Variants in MSRA observed in about 807,000 individuals in gnomAD.
MSRA encodes the protein mitochondrial peptide methionine sulfoxide reductase.
Under a neutral mutation model 31.3 loss-of-function variants are expected in MSRA, and 54 were observed. The observed-to-expected ratio is 1.73, with a 90% CI of 1.39 to 2.17. The LOEUF is 2.17. Ranked by LOEUF, MSRA falls within the 30% of genes most tolerant of loss-of-function variation. The probability of loss-of-function intolerance (pLI) is 0.00; values close to 1 mark genes in which losing one functional copy is unlikely to be tolerated. For synonymous variants in MSRA, 169 were observed against 116.5 expected, an observed-to-expected ratio of 1.45 and a Z score of -2.90; for missense variants, 507 against 300.9, an observed-to-expected ratio of 1.69 and a Z score of -5.07.
chr8:10,213,500 G>A (rs1294021427), intron 2 of MSRA, among the ~76,000 whole-genome samples: 1 of 137,260 alleles, frequency 7.3e-6, no homozygotes, highest in African/African-American at 2.8e-5. Flanking sequence ...GCAGTGACGC[G>A]ACCTCGGCTC....
chr8:10,092,408 C>G (rs1398475445), intron 1 of MSRA, among the ~76,000 whole-genome samples: 1 of 152,098 alleles, frequency 6.6e-6, no homozygotes, highest in Non-Finnish European at 1.5e-5. Flanking sequence ...CCTGTAATCC[C>G]AGCAGTTTGG....
chr8:10,268,313 C>T (rs778442565), intron 3 of MSRA, among the ~76,000 whole-genome samples: 2 of 152,184 alleles, frequency 1.3e-5, no homozygotes, highest in East Asian at 3.9e-4. Context: ...GCACTCCAGA[C>T]ATTTGGGTAG....
At chr8:10,200,966 G>A (rs1026767190) in intron 1 of MSRA, among the ~76,000 whole-genome samples, 1 of 152,152 alleles carries the variant, frequency 6.6e-6, no homozygotes, top group African/African-American at 2.4e-5. Context: ...GCAGAGATGG[G>A]AGTGGCTAGT....
chr8:10,058,344 AAGAGG>A (rs1802510958), intron 1 of MSRA, among the ~76,000 whole-genome samples: 1 of 152,202 alleles, frequency 6.6e-6, no homozygotes, highest in Non-Finnish European at 1.5e-5. Context: ...AAGTCCTGAG[AAGAGG>A]AGATCATAAA....
chr8:10,272,868 GTGAATGAATGAA>G (rs6150461), intron 3 of MSRA, among the ~76,000 whole-genome samples: 24,956 of 152,108 alleles, frequency 0.16, 2,518 homozygotes, highest in East Asian at 0.51. Context: ...TATCTCTTAA[GTGAATGAATGAA>G]TGGATGAATA....
chr8:10,424,948 A>C (rs1248153575), intron 5 of MSRA, among the ~76,000 whole-genome samples: 1 of 152,234 alleles, frequency 6.6e-6, no homozygotes, highest in African/African-American at 2.4e-5. Context: ...GCCCACTGAA[A>C]TCAAGACGTG....
At chr8:10,356,427 T>C (rs900958042) in intron 5 of MSRA, among the ~76,000 whole-genome samples, 5 of 152,196 alleles carry the variant, frequency 3.3e-5, no homozygotes, top group African/African-American at 1.2e-4. Context: ...CCCACCCCAG[T>C]TACAGCTTTA....
intron 1 of MSRA, among the ~76,000 whole-genome samples, chr8:10,106,369 C>A (rs1799882782): frequency 6.6e-6 from 1 of 152,176 alleles, no homozygotes. Flanking sequence ...TTCCTTCTTT[C>A]TCCACTTACT....
rs190127355 is a variant in MSRA, at chr8:10,073,225, C to T, written c.142+18567C>T. Reference sequence around the variant, plus strand: ...GAAAAGCATTCAGCCTTTCACTAAACTATCACATATGATGTCAGCTGTAGG... The same window carrying T: ...GAAAAGCATTCAGCCTTTCACTAAATTATCACATATGATGTCAGCTGTAGG... On this transcript the variant is annotated intron_variant, in intron 1 of 5. Coordinates refer to ENST00000317173, the MANE Select transcript of MSRA (RefSeq NM_012331.5). Among the ~76,000 whole-genome samples the T allele has an allele frequency of 1.7e-3, 260 of 152,324 alleles. 1 individual carries two copies. The highest frequency in any genetic ancestry group is 5.7e-3 in the African/African-American group (236 of 41,568).
chr8:10,231,436 A>G (rs75012785), intron 2 of MSRA, among the ~76,000 whole-genome samples: 5,154 of 152,264 alleles, frequency 0.034, 118 homozygotes, highest in East Asian at 0.073. Flanking sequence ...TGGTAGCTGT[A>G]TTGAATTTCA....
chr8:10,390,734 T>A (rs1806689471), intron 5 of MSRA, among the ~76,000 whole-genome samples: 2 of 152,114 alleles, frequency 1.3e-5, no homozygotes, highest in African/African-American at 4.8e-5. Flanking sequence ...GGATGGGCAC[T>A]GACTCCATTC....
chr8:10,071,881 A>G (rs1441319049), intron 1 of MSRA, among the ~76,000 whole-genome samples: 2 of 152,168 alleles, frequency 1.3e-5, no homozygotes, highest in Non-Finnish European at 2.9e-5. Flanking sequence ...GGAAAACACA[A>G]CACAGTCAGG....
intron 5 of MSRA, among the ~76,000 whole-genome samples, chr8:10,411,955 G>A (rs1309710822): frequency 6.6e-6 from 1 of 152,218 alleles, no homozygotes; most frequent in Non-Finnish European, 1.5e-5. Context: ...GTCGTCCACA[G>A]AGTGGTTTTA....
chr8:10,323,786 C>CTGTCTGCA (rs1299814633), intron 5 of MSRA, among the ~76,000 whole-genome samples: 1 of 87,968 alleles, frequency 1.1e-5, no homozygotes, highest in Admixed American at 1.4e-4. Flanking sequence ...CTGTGTCTGT[C>CTGTCTGCA]TGTCTGCATG....
chr8:10,110,000 C>A (rs904995568), intron 1 of MSRA, among the ~76,000 whole-genome samples: 1 of 152,070 alleles, frequency 6.6e-6, no homozygotes, highest in Non-Finnish European at 1.5e-5. Context: ...TAGGCTGTAT[C>A]ACCTCTTGTT....
At chr8:10,273,816 A>G (rs1799171432) in intron 3 of MSRA, among the ~76,000 whole-genome samples, 1 of 152,180 alleles carries the variant, frequency 6.6e-6, no homozygotes, top group African/African-American at 2.4e-5. Context: ...TACTTCAAGC[A>G]GAACCTGAGA....
chr8:10,187,832 A>G (rs1304578376), intron 1 of MSRA, among the ~76,000 whole-genome samples: 2 of 152,244 alleles, frequency 1.3e-5, no homozygotes, highest in Non-Finnish European at 2.9e-5. Flanking sequence ...GTTCTGTTGT[A>G]TAACAGAAAG....
At chr8:10,178,480 A>G (rs769799590) in intron 1 of MSRA, among the ~76,000 whole-genome samples, 1 of 152,194 alleles carries the variant, frequency 6.6e-6, no homozygotes, top group South Asian at 2.1e-4. Flanking sequence ...CAAGCAGGAA[A>G]GTAATTGAAA....
intron 2 of MSRA, among the ~76,000 whole-genome samples, chr8:10,223,116 A>C (rs1810674125): frequency 1.3e-5 from 2 of 152,384 alleles, no homozygotes; most frequent in East Asian, 1.9e-4. Flanking sequence ...AAAAAGTGAC[A>C]CTAGCAAAAC....
Sources: allele counts gnomAD v4.1 joint callset (sites outside exome capture counted in the v4.1 genomes callset), GRCh38; gene constraint gnomAD v4.1.1; transcripts MANE v1.5; gene names NCBI Gene and HGNC (gene_info 2026-07-23, HGNC 2026-07-21).